The following TCF12 variants were observed in gnomAD, a reference collection of about 807,000 sequenced individuals.
TCF12 encodes the protein DNA-binding protein HTF4.
In TCF12, 45 loss-of-function variants were observed where a neutral mutation model predicts 86.0. The observed-to-expected ratio is 0.52, with a 90% CI of 0.41 to 0.67. The LOEUF is 0.67. Ranked by LOEUF, TCF12 falls within the 30% of genes least tolerant of loss-of-function variation. The pLI is 0.00. For synonymous variants in TCF12, 330 were observed against 299.6 expected, an observed-to-expected ratio of 1.10 and a Z score of -1.05; for missense variants, 881 against 859.9, an observed-to-expected ratio of 1.02 and a Z score of -0.31.
chr15:57,265,143 T>G (rs1223810531), intron 18 of TCF12, among the ~76,000 whole-genome samples: 1 of 150,566 alleles, frequency 6.6e-6, no homozygotes, highest in East Asian at 2.0e-4. Flanking sequence ...TATAAATACA[T>G]AAACCAATAA....
chr15:56,973,254 A>T (rs1463712862), intron 3 of TCF12, among the ~76,000 whole-genome samples: 2 of 152,120 alleles, frequency 1.3e-5, no homozygotes, highest in African/African-American at 4.8e-5. Flanking sequence ...ATGTGTATGT[A>T]TGAGTATGTA....
chr15:57,136,542 A>G (rs1359552985), intron 5 of TCF12, among the ~76,000 whole-genome samples: 1 of 152,224 alleles, frequency 6.6e-6, no homozygotes, highest in Non-Finnish European at 1.5e-5. Flanking sequence ...ATAGCTATCA[A>G]TTTCTAGTGT....
intron 15 of TCF12, 146 bp from the exon 16 acceptor site, chr15:57,253,116 T>G (rs888776201): frequency 4.0e-6 from 3 of 753,552 alleles, no homozygotes; most frequent in Non-Finnish European, 6.4e-6. Context: ...TGTTGTTGAT[T>G]TATAGTTCAG....
intron 3 of TCF12, among the ~76,000 whole-genome samples, chr15:57,007,829 T>C (rs1285395654): frequency 2.0e-5 from 3 of 146,606 alleles, no homozygotes; most frequent in African/African-American, 7.6e-5. Flanking sequence ...TTTTTCTTTC[T>C]TTCTTTCTTT....
At chr15:57,269,982 C>A (rs574231426) in intron 18 of TCF12, among the ~76,000 whole-genome samples, 1 of 152,112 alleles carries the variant, frequency 6.6e-6, no homozygotes, top group Non-Finnish European at 1.5e-5. Context: ...TTCTGGCAGC[C>A]CTTAACATTT....
At chr15:56,939,967 GTTTTTTTTTTT>G (rs67832685) in intron 3 of TCF12, among the ~76,000 whole-genome samples, 19 of 104,712 alleles carry the variant, frequency 1.8e-4, no homozygotes, top group South Asian at 3.3e-4. Flanking sequence ...TTAATAGCGT[GTTTTTTTTTTT>G]TTTTTTTTTT....
chr15:57,214,903 C>A (rs765090014), intron 8 of TCF12, among the ~76,000 whole-genome samples: 20 of 152,116 alleles, frequency 1.3e-4, no homozygotes, highest in Non-Finnish European at 2.2e-4. Flanking sequence ...TACTGATAGA[C>A]TGGGTTATCA....
chr15:56,952,991 T>C (rs1043560459), intron 3 of TCF12, among the ~76,000 whole-genome samples: 2 of 152,104 alleles, frequency 1.3e-5, no homozygotes, highest in East Asian at 3.8e-4. Flanking sequence ...GGCTTTTTTT[T>C]ATAGTACCTT....
intron 8 of TCF12, among the ~76,000 whole-genome samples, chr15:57,230,719 G>A (rs1233359496): frequency 1.3e-5 from 2 of 151,986 alleles, no homozygotes; most frequent in Non-Finnish European, 2.9e-5. Flanking sequence ...AACTCATGTT[G>A]ATTTTATTTG....
At chr15:57,197,676 A>T in intron 7 of TCF12, 97 bp from the exon 8 acceptor site, 1 of 1,414,006 alleles carries the variant, frequency 7.1e-7, no homozygotes, top group Non-Finnish European at 9.8e-7. Flanking sequence ...ATTGGAAAAC[A>T]AGAAAGACGC....
chr15:57,062,163 A>G (rs1199351892), intron 3 of TCF12, among the ~76,000 whole-genome samples: 1 of 152,032 alleles, frequency 6.6e-6, no homozygotes, highest in Non-Finnish European at 1.5e-5. Context: ...TCTCCGTATT[A>G]GCCAGGATGG....
At chr15:57,045,291 T>G (rs141333199) in intron 3 of TCF12, among the ~76,000 whole-genome samples, 5 of 152,220 alleles carry the variant, frequency 3.3e-5, no homozygotes, top group African/African-American at 1.2e-4. Flanking sequence ...TGTGTCTGGA[T>G]TAATACGTCA....
chr15:57,148,701 CAAAAAAAA>C (rs61526953), intron 5 of TCF12, among the ~76,000 whole-genome samples: 3 of 124,388 alleles, frequency 2.4e-5, no homozygotes, highest in African/African-American at 9.1e-5. Flanking sequence ...GGTGACGTGG[CAAAAAAAA>C]AAAAAAAAAA....
intron 6 of TCF12, among the ~76,000 whole-genome samples, chr15:57,182,751 G>A (rs1479763576): frequency 6.6e-6 from 1 of 152,052 alleles, no homozygotes; most frequent in Non-Finnish European, 1.5e-5. Flanking sequence ...ACTAAAACTG[G>A]TAGCTAGTAA....
intron 5 of TCF12, among the ~76,000 whole-genome samples, chr15:57,111,267 A>T (rs917588493): frequency 1.9e-4 from 29 of 151,204 alleles, no homozygotes; most frequent in African/African-American, 7.1e-4. Context: ...TTCAAGCCAA[A>T]CTCTTATGAA....
At chr15:57,251,044 A>G in intron 13 of TCF12, 1 of 244,392 alleles carries the variant, frequency 4.1e-6, no homozygotes, top group Non-Finnish European at 7.9e-6. Flanking sequence ...TGTGTACGTT[A>G]TAAGTGCATT....
intron 3 of TCF12, among the ~76,000 whole-genome samples, chr15:56,979,172 T>G (rs2062762128): frequency 1.3e-5 from 2 of 152,216 alleles, no homozygotes; most frequent in South Asian, 4.1e-4. Context: ...TTGATTTACT[T>G]TCTTATGCTT....
chr15:57,069,046 G>A (rs1257069377), intron 4 of TCF12, among the ~76,000 whole-genome samples: 1 of 152,104 alleles, frequency 6.6e-6, no homozygotes, highest in Non-Finnish European at 1.5e-5. Flanking sequence ...ATGTCAAGAG[G>A]CCAGGTCATC....
chr15:57,206,028 T>G (rs2057792280), intron 8 of TCF12, among the ~76,000 whole-genome samples: 1 of 151,364 alleles, frequency 6.6e-6, no homozygotes, highest in African/African-American at 2.4e-5. Flanking sequence ...TATTGAACTC[T>G]TTGGCTGCTG....
Sources: gnomAD v4.1 joint callset for allele counts (sites outside exome capture counted in the v4.1 genomes callset) on GRCh38, gnomAD v4.1.1 for gene constraint, MANE v1.5 for transcripts, NCBI Gene and HGNC (gene_info 2026-07-23, HGNC 2026-07-21) for gene names.